PRKAR1B: variants seen among roughly 807,000 people sequenced by gnomAD.
PRKAR1B encodes the protein cAMP-dependent protein kinase type I-beta regulatory subunit.
Under a neutral mutation model 46.5 loss-of-function variants are expected in PRKAR1B, and 22 were observed. The ratio of observed to expected loss-of-function variants is 0.47; its 90% CI spans 0.34 to 0.68. The LOEUF is 0.68. Among genes scored for constraint, PRKAR1B ranks in the 30% least tolerant of loss-of-function variants. The pLI is 0.01. For synonymous variants in PRKAR1B, 259 were observed against 217.7 expected (o/e 1.19, Z -1.67); for missense variants, 445 against 535.6 (o/e 0.83, Z 1.67).
intron 2 of PRKAR1B, among the ~76,000 whole-genome samples, chr7:698,530 G>A (rs114128178): frequency 2.7e-3 from 415 of 152,162 alleles, no homozygotes; most frequent in African/African-American, 9.4e-3. Context: ...GCACATATGT[G>A]TGAACATGTA....
intron 6 of PRKAR1B, among the ~76,000 whole-genome samples, chr7:605,931 CG>C (rs1044722374): frequency 2.6e-5 from 4 of 152,270 alleles, no homozygotes; most frequent in African/African-American, 9.6e-5. Flanking sequence ...AGTCGCAGCC[CG>C]GGGGCAAGCG....
intron 6 of PRKAR1B, among the ~76,000 whole-genome samples, chr7:600,449 G>A (rs1037941342): frequency 1.3e-5 from 2 of 152,156 alleles, no homozygotes; most frequent in Admixed American, 6.5e-5. Context: ...CTATGATCAC[G>A]CCACCGCACT....
At chr7:687,102 C>T (rs1174074219) in intron 2 of PRKAR1B, among the ~76,000 whole-genome samples, 1 of 152,056 alleles carries the variant, frequency 6.6e-6, no homozygotes, top group Non-Finnish European at 1.5e-5. Context: ...TTTTCCAAAG[C>T]AATTATACAT....
intron 4 of PRKAR1B, among the ~76,000 whole-genome samples, chr7:635,207 C>T (rs1783976592): frequency 6.6e-6 from 1 of 152,204 alleles, no homozygotes; most frequent in African/African-American, 2.4e-5. Context: ...GATCTGACAC[C>T]CTGGGACCCA....
chr7:613,818 G>T (rs967720881), intron 4 of PRKAR1B, among the ~76,000 whole-genome samples: 15 of 152,248 alleles, frequency 9.9e-5, no homozygotes, highest in Non-Finnish European at 4.4e-5. Context: ...CGCAGGTTGG[G>T]ACTTGCACGG....
intron 4 of PRKAR1B, among the ~76,000 whole-genome samples, chr7:670,955 C>CCCAG (rs1449907773): frequency 6.6e-6 from 1 of 152,250 alleles, no homozygotes; most frequent in Non-Finnish European, 1.5e-5. Flanking sequence ...TGCAGCACAT[C>CCCAG]CCAGCCCATC....
chr7:710,765 C>T (rs1780582198), intron 2 of PRKAR1B, among the ~76,000 whole-genome samples: 1 of 151,794 alleles, frequency 6.6e-6, no homozygotes, highest in South Asian at 2.1e-4. Context: ...CTGCCTGAAC[C>T]ACCCCAGTAG....
Position 560,243 on chromosome 7 carries a change from G to A in PRKAR1B, c.892-8773C>T, listed in dbSNP as rs181760934. Among the ~76,000 whole-genome samples, 584 of 152,094 alleles carry A rather than the reference G, an allele frequency of 3.8e-3. 3 individuals carry two copies. The highest frequency in any genetic ancestry group is 6.0e-3 in the Non-Finnish European group (405 of 68,010). ...TGAAGAGGTACCTTCCACCATGATT[G>A]TAAGTTTCCTGAGACCTCCCCAGCC... On this transcript the variant is annotated intron_variant, in intron 9 of 10. Coordinates refer to ENST00000537384, the MANE Select transcript of PRKAR1B (RefSeq NM_001164760.2). This position sits in a 1 kb window ranked among gnomAD's most constrained non-coding sequence, Gnocchi z 4.2.
intron 4 of PRKAR1B, among the ~76,000 whole-genome samples, chr7:611,874 G>A (rs997931692): frequency 2.0e-5 from 3 of 151,912 alleles, no homozygotes; most frequent in Non-Finnish European, 2.9e-5. Flanking sequence ...TCGATGGATG[G>A]ATGGACAGGT....
At chr7:722,362 A>T (rs1051581940) in intron 1 of PRKAR1B, among the ~76,000 whole-genome samples, 1 of 150,248 alleles carries the variant, frequency 6.7e-6, no homozygotes, top group African/African-American at 2.5e-5. Context: ...TCGGCCTCAC[A>T]AAGTGCTGGG....
chr7:656,707 G>A (rs1785215142), intron 4 of PRKAR1B, among the ~76,000 whole-genome samples: 1 of 152,156 alleles, frequency 6.6e-6, no homozygotes, highest in African/African-American at 2.4e-5. Flanking sequence ...ATGGATAAAT[G>A]GGTGAACAAA....
chr7:719,312 T>C (rs527254060), intron 1 of PRKAR1B, among the ~76,000 whole-genome samples: 2 of 151,990 alleles, frequency 1.3e-5, no homozygotes, highest in Non-Finnish European at 2.9e-5. Context: ...AGTGCTGGGA[T>C]TACAGGCATG....
At chr7:595,667 A>G (rs1438097114) in intron 7 of PRKAR1B, among the ~76,000 whole-genome samples, 3 of 152,194 alleles carry the variant, frequency 2.0e-5, no homozygotes, top group African/African-American at 7.2e-5. Flanking sequence ...ACGTGTGCAC[A>G]CAACACACAC....
At chr7:596,710 G>A (rs532533926) in intron 6 of PRKAR1B, among the ~76,000 whole-genome samples, 1 of 152,354 alleles carries the variant, frequency 6.6e-6, no homozygotes, top group African/African-American at 2.4e-5. Flanking sequence ...TAGCTGCACC[G>A]TGATGAGCTG....
At chr7:608,080 G>C (rs566575882) in intron 4 of PRKAR1B, 5 of 152,314 alleles carry the variant, frequency 3.3e-5, no homozygotes, top group African/African-American at 9.7e-5. Context: ...AAGGGGCATG[G>C]GGGAGCTGGC....
chr7:670,577 T>C (rs1436809480), intron 4 of PRKAR1B, among the ~76,000 whole-genome samples: 3 of 139,900 alleles, frequency 2.1e-5, no homozygotes, highest in Admixed American at 7.1e-5. Context: ...GAGGACGGCC[T>C]CCGAGCTCCC....
chr7:693,562 G>A (rs750337223), intron 2 of PRKAR1B, among the ~76,000 whole-genome samples: 10 of 152,190 alleles, frequency 6.6e-5, no homozygotes, highest in Non-Finnish European at 1.5e-4. Context: ...GTTCGTCCGC[G>A]CTGTGCTGCG....
At chr7:676,478 G>C (rs1778301036) in intron 4 of PRKAR1B, among the ~76,000 whole-genome samples, 1 of 152,190 alleles carries the variant, frequency 6.6e-6, no homozygotes, top group Non-Finnish European at 1.5e-5. Flanking sequence ...GTATATCCAT[G>C]CATGCGGAAG....
In PRKAR1B at chr7:564,685, C is replaced by T. The variant is rs768191890; in HGVS notation, c.892-13215G>A. On this transcript the variant is annotated intron_variant, in intron 9 of 10. Transcript: ENST00000537384. ...CTGCCCAGGGCGCCAGCACTGACTC[C>T]GGCAGTGCCCAGATGCATCTATAAA... Among the ~76,000 whole-genome samples, 116 of 152,344 alleles carry T rather than the reference C, an allele frequency of 7.6e-4. 1 individual carries two copies. The highest frequency in any genetic ancestry group is 1.4e-3 in the South Asian group (7 of 4,832).
Sources: allele counts gnomAD v4.1 joint callset (sites outside exome capture counted in the v4.1 genomes callset), GRCh38; gene constraint gnomAD v4.1.1; non-coding constraint Gnocchi (gnomAD v3.1); transcripts MANE v1.5; gene names NCBI Gene and HGNC (gene_info 2026-07-23, HGNC 2026-07-21).